The following ENTPD3 variants were observed in gnomAD, a reference collection of about 807,000 sequenced individuals.
ENTPD3 encodes ectonucleoside triphosphate diphosphohydrolase 3.
ENTPD3 carries 60 observed loss-of-function variants against 51.2 expected under a neutral mutation model. That is an observed-to-expected ratio of 1.17 (90% CI 0.95 to 1.45). ENTPD3 has a LOEUF of 1.45. Ranked by LOEUF, ENTPD3 falls within the 40% of genes most tolerant of loss-of-function variation. ENTPD3 has a pLI of 0.00. For missense variants in ENTPD3, 593 were observed against 641.1 expected (o/e 0.93, Z 0.81); for synonymous variants, 221 against 238.4 (o/e 0.93, Z 0.67).
At chr3:40,401,343 T>C (rs76616495) in intron 4 of ENTPD3, among the ~76,000 whole-genome samples, 1,824 of 152,308 alleles carry the variant, frequency 0.012, 37 homozygotes, top group African/African-American at 0.041. Context: ...AAAGGACAAT[T>C]TGTTACTCAC....
At chr3:40,411,538 T>C (rs1955631042) in intron 4 of ENTPD3, among the ~76,000 whole-genome samples, 1 of 152,110 alleles carries the variant, frequency 6.6e-6, no homozygotes, top group African/African-American at 2.4e-5. Context: ...CAATATACTA[T>C]TCTCTCTACT....
Position 40,415,988 on chromosome 3 carries a change from G to T in ENTPD3, c.746G>T (p.Gly249Val). The T allele has an allele frequency of 6.2e-7, 1 of 1,613,906 alleles. No homozygotes were observed. The change falls in exon 7 of 11, where the codon GGC (glycine) becomes GTC (valine). Residue 249 changes from glycine to valine, a missense_variant. Coordinates refer to ENST00000301825, the MANE Select transcript of ENTPD3 (RefSeq NM_001248.4). ...GACATCATGCAGGTGTCCCTGTATG[G>T]CTACGTATACACGCTCTACACACAC... ...TSDIMQVSLYGYVYTLYTHSF... is the reference protein window; with the variant it reads ...TSDIMQVSLYVYVYTLYTHSF...
chr3:40,421,299 C>A (rs915500837), intron 7 of ENTPD3, among the ~76,000 whole-genome samples: 1 of 152,104 alleles, frequency 6.6e-6, no homozygotes, highest in Admixed American at 6.6e-5. Flanking sequence ...GCTGGGATTA[C>A]AGATGTGAGC....
Position 40,414,831 on chromosome 3 carries a change from T to C in ENTPD3, c.588T>C (p.Asn196=). 8 of 1,613,964 alleles carry C rather than the reference T, an allele frequency of 5.0e-6. No individual in the cohort carries two copies. Among genetic ancestry groups the C allele is most frequent in the Non-Finnish European group, 6.8e-6 (8 of 1,179,918 alleles). The part of the protein sequence containing the change: ...GWITANYLMG[N]FLEKNLWHMW... ...TTACAGCCAACTATTTAATGGGAAA[T>C]TTCCTGGAGGTGTGTGCAAACAAAT... Residue 196 remains asparagine, a synonymous_variant, in exon 6 of 11, where the codon AAT becomes AAC. Coordinates refer to ENST00000301825, the MANE Select transcript of ENTPD3 (RefSeq NM_001248.4).
At chr3:40,388,598 ACACACACACACACACACACACACAC>A (rs1954993631) in intron 2 of ENTPD3, among the ~76,000 whole-genome samples, 1 of 146,808 alleles carries the variant, frequency 6.8e-6, no homozygotes, top group Non-Finnish European at 1.5e-5. Context: ...ACACACACAC[ACACACACACACACACACACACACAC>A]ACTTCTAAGC....
intron 10 of ENTPD3, chr3:40,424,962 A>G (rs1199928249): frequency 2.1e-6 from 1 of 467,666 alleles, no homozygotes; most frequent in African/African-American, 1.9e-5. Context: ...TGTACTCTCT[A>G]AGCTTTGCTT....
At chr3:40,412,351 T>C (rs1369216509) in intron 5 of ENTPD3, among the ~76,000 whole-genome samples, 4 of 152,192 alleles carry the variant, frequency 2.6e-5, no homozygotes, top group African/African-American at 9.6e-5. Context: ...CTTCCGCTTG[T>C]GTACAAAATA....
chr3:40,393,315 A>C (rs142208122), intron 3 of ENTPD3, among the ~76,000 whole-genome samples: 2 of 152,160 alleles, frequency 1.3e-5, no homozygotes, highest in African/African-American at 4.8e-5. Context: ...ACTCATTAAG[A>C]ATGTACAAAC....
chr3:40,399,048 CCT>C (rs1354267890), intron 3 of ENTPD3, among the ~76,000 whole-genome samples: 2 of 151,984 alleles, frequency 1.3e-5, no homozygotes, highest in Non-Finnish European at 2.9e-5. Flanking sequence ...ATGGCGAAAC[CCT>C]GTCTTTACAA....
chr3:40,406,506 T>C (rs1337571889), intron 4 of ENTPD3, among the ~76,000 whole-genome samples: 1 of 152,204 alleles, frequency 6.6e-6, no homozygotes, highest in Non-Finnish European at 1.5e-5. Flanking sequence ...ATCACTCAGT[T>C]GATATAGAAC....
rs1172891979 is a variant in ENTPD3, at chr3:40,427,558, G to C, written c.*50G>C. The C allele has an allele frequency of 1.4e-6, 2 of 1,417,960 alleles. No individual in the cohort carries two copies. Among genetic ancestry groups the C allele is most frequent in the Non-Finnish European group, 2.0e-6 (2 of 1,003,422 alleles). The allele number at this position is 1,417,960 out of a possible 1,614,324, so 87.8% of individuals were successfully genotyped here. A position where few individuals can be genotyped will look rare whatever the true frequency, so the allele number is the denominator to read the frequency against. On this transcript the variant is annotated 3_prime_UTR_variant, in exon 11 of 11. Transcript: ENST00000301825. Reference sequence around the variant, plus strand: ...CAATGGCTGCTTAGAGTCAGCCTGGGTGGCACCAGGCAATGCAGGTGAAGT... The same window carrying C: ...CAATGGCTGCTTAGAGTCAGCCTGGCTGGCACCAGGCAATGCAGGTGAAGT...
rs779353061 is a variant in ENTPD3 at position 40,422,888 on chromosome 3, C to T, written c.870C>T (p.Tyr290=). ...AAAACCATCTCACCAATCCCTGTTACCCTCGGGATTATAGCATCAGCTTCA... is the reference window on the plus strand; with the variant it reads ...AAAACCATCTCACCAATCCCTGTTATCCTCGGGATTATAGCATCAGCTTCA... The part of the protein sequence containing the change: ...PTKNHLTNPC[Y]PRDYSISFTM... Residue 290 remains tyrosine, a synonymous_variant, in exon 8 of 11, where the codon TAC becomes TAT. Coordinates refer to ENST00000301825, the MANE Select transcript of ENTPD3 (RefSeq NM_001248.4). 1.2e-6 allele frequency: 2 copies of T among 1,613,680 alleles called. No homozygotes were observed. The highest frequency in any genetic ancestry group is 4.5e-5 in the East Asian group (2 of 44,860).
In ENTPD3 at chr3:40,423,681, G is replaced by T. The variant is rs1955928169; in HGVS notation, c.1216-145G>T. ...ATAGGGATATTTTCATAATTATATT[G>T]TGTGATTATATGATTGTATTATAAA... is the stretch of plus-strand genomic sequence containing the variant. On this transcript the variant is annotated intron_variant, in intron 9 of 10. Transcript: ENST00000301825. The T allele has an allele frequency of 1.1e-5, 10 of 928,570 alleles. No individual in the cohort carries two copies. In the South Asian group the frequency reaches 1.3e-4, roughly 12 times the overall value. 57.5% of individuals were successfully genotyped at this position (928,570 alleles called of 1,614,324 possible). A position where few individuals can be genotyped will look rare whatever the true frequency, so the allele number is the denominator to read the frequency against.
At chr3:40,421,467 A>G (rs1227682687) in intron 7 of ENTPD3, among the ~76,000 whole-genome samples, 1 of 152,228 alleles carries the variant, frequency 6.6e-6, no homozygotes, top group Admixed American at 6.5e-5. Flanking sequence ...AGTATTTTGC[A>G]CCAGTAGATT....
At chr3:40,406,755 C>G (rs989134845) in intron 4 of ENTPD3, among the ~76,000 whole-genome samples, 2 of 152,192 alleles carry the variant, frequency 1.3e-5, no homozygotes, top group African/African-American at 4.8e-5. Flanking sequence ...CTTCCAGCCA[C>G]ACTGGCCCCT....
At chr3:40,407,428 A>AT (rs1955529721) in intron 4 of ENTPD3, among the ~76,000 whole-genome samples, 1 of 151,882 alleles carries the variant, frequency 6.6e-6, no homozygotes, top group South Asian at 2.1e-4. Context: ...TCTTCATTTT[A>AT]TTTTTTTCCA....
chr3:40,427,256 C>A lies in ENTPD3; in HGVS notation c.1354-16C>A, dbSNP rs371455251. 6.2e-6 allele frequency: 10 copies of A among 1,605,558 alleles called. No individual in the cohort carries two copies. The Admixed American group carries it at 6.7e-5, about 11-fold the overall frequency. ...AGCCTTGCCCTGAGCGCTGAGCCAT[C>A]TCCTCTACTCCACAGGTGGGGAATA... On this transcript the variant is annotated splice_polypyrimidine_tract_variant and intron_variant, in intron 10 of 10. Transcript: ENST00000301825.
At chr3:40,398,401 TG>T in intron 3 of ENTPD3, among the ~76,000 whole-genome samples, 1 of 152,290 alleles carries the variant, frequency 6.6e-6, no homozygotes, top group East Asian at 1.9e-4. Flanking sequence ...GCTGGAGTGG[TG>T]GTGATCAGGT....
chr3:40,420,520 T>G (rs557923845), intron 7 of ENTPD3, among the ~76,000 whole-genome samples: 138 of 152,226 alleles, frequency 9.1e-4, no homozygotes, highest in African/African-American at 3.2e-3. Flanking sequence ...ATTACACGTG[T>G]GAGCCACCAC....
Sources: gnomAD v4.1 joint callset for allele counts (sites outside exome capture counted in the v4.1 genomes callset) on GRCh38, gnomAD v4.1.1 for gene constraint, MANE v1.5 for transcripts, NCBI Gene and HGNC (gene_info 2026-07-23, HGNC 2026-07-21) for gene names.